Variants in DLGAP2 observed in about 807,000 individuals in gnomAD.
The protein encoded by DLGAP2 is DLG associated protein 2, also known as disks large-associated protein 2.
Under a neutral mutation model 100.3 loss-of-function variants are expected in DLGAP2, and 26 were observed. The ratio of observed to expected loss-of-function variants is 0.26; its 90% CI spans 0.19 to 0.36. The LOEUF (loss-of-function observed/expected upper bound fraction) is 0.36. DLGAP2 is among the 10% of genes least tolerant of loss of function. DLGAP2 has a pLI of 1.00. For synonymous variants in DLGAP2, 886 were observed against 630.1 expected, an observed-to-expected ratio of 1.41 and a Z score of -6.08; for missense variants, 1,858 against 1,453.2, an observed-to-expected ratio of 1.28 and a Z score of -4.53.
At chr8:1,340,513 CAAAACCA>C (rs1801394477) in intron 3 of DLGAP2, among the ~76,000 whole-genome samples, 1 of 152,210 alleles carries the variant, frequency 6.6e-6, no homozygotes, top group African/African-American at 2.4e-5. Context: ...AAATGCAAAT[CAAAACCA>C]CCATGAGATG....
chr8:1,490,349 C>A (rs552612507), intron 3 of DLGAP2, among the ~76,000 whole-genome samples: 2 of 152,218 alleles, frequency 1.3e-5, no homozygotes, highest in African/African-American at 2.4e-5. Flanking sequence ...GGAGAAGGAA[C>A]AGAAGCCAAT....
chr8:1,670,809 T>C (rs1372110278), intron 10 of DLGAP2, among the ~76,000 whole-genome samples: 2 of 152,104 alleles, frequency 1.3e-5, no homozygotes, highest in Admixed American at 1.3e-4. Context: ...GCAGCTCCAG[T>C]GTCAGGATAA....
intron 1 of DLGAP2, among the ~76,000 whole-genome samples, chr8:767,412 G>A (rs1821243723): frequency 6.9e-6 from 1 of 145,284 alleles, no homozygotes; most frequent in Non-Finnish European, 1.5e-5. Context: ...GTGCAATGGT[G>A]CCATCTTGAC....
chr8:1,592,063 C>G, intron 6 of DLGAP2, among the ~76,000 whole-genome samples: 1 of 152,164 alleles, frequency 6.6e-6, no homozygotes, highest in East Asian at 1.9e-4. Flanking sequence ...TCTCATTTAT[C>G]CCTTATCCAC....
chr8:1,140,075 G>A (rs1451312607), intron 2 of DLGAP2, among the ~76,000 whole-genome samples: 2 of 152,124 alleles, frequency 1.3e-5, no homozygotes, highest in African/African-American at 4.8e-5. Flanking sequence ...CATCATAACA[G>A]TGTGGCCATC....
At chr8:758,646 C>T (rs1388077498) in intron 1 of DLGAP2, among the ~76,000 whole-genome samples, 1 of 152,092 alleles carries the variant, frequency 6.6e-6, no homozygotes, top group Non-Finnish European at 1.5e-5. Context: ...ACTGCAGCTT[C>T]AACCACCTGG....
intron 2 of DLGAP2, among the ~76,000 whole-genome samples, chr8:1,039,192 C>CCGTGGTCAGCTCGGTGTG (rs1406359882): frequency 1.4e-5 from 1 of 70,208 alleles, no homozygotes; most frequent in Non-Finnish European, 2.9e-5. Context: ...AGCTCGGTTT[C>CCGTGGTCAGCTCGGTGTG]CGTGGTCAGC....
chr8:1,243,622 C>T (rs1275951074), intron 2 of DLGAP2, among the ~76,000 whole-genome samples: 1 of 152,156 alleles, frequency 6.6e-6, no homozygotes, highest in Admixed American at 6.5e-5. Context: ...GACCCCTCTT[C>T]TTCCCTAAAG....
intron 12 of DLGAP2, chr8:1,680,822 C>A (rs1176649090): frequency 6.6e-6 from 1 of 152,214 alleles, no homozygotes; most frequent in Non-Finnish European, 1.5e-5. Flanking sequence ...GATTTATAAT[C>A]TTTAGCACAA....
At chr8:1,310,058 CAA>C (rs3052029) in intron 3 of DLGAP2, among the ~76,000 whole-genome samples, 27,817 of 105,386 alleles carry the variant, frequency 0.26, 2,572 homozygotes, top group African/African-American at 0.32. Context: ...GTCTCCATCT[CAA>C]AAAAAAAAAA....
chr8:1,413,222 T>G (rs1364104572), intron 3 of DLGAP2, among the ~76,000 whole-genome samples: 1 of 152,208 alleles, frequency 6.6e-6, no homozygotes, highest in African/African-American at 2.4e-5. Flanking sequence ...TTCAACACCT[T>G]TATTATTAGC....
At chr8:1,130,024 C>G (rs1022577655) in intron 2 of DLGAP2, among the ~76,000 whole-genome samples, 2 of 152,126 alleles carry the variant, frequency 1.3e-5, no homozygotes, top group Admixed American at 6.5e-5. Context: ...GTGTAGCTCA[C>G]GTCGGGCACT....
chr8:929,969 A>G (rs1023605942), intron 2 of DLGAP2, among the ~76,000 whole-genome samples: 4 of 151,766 alleles, frequency 2.6e-5, no homozygotes, highest in African/African-American at 7.3e-5. Flanking sequence ...TCTTCCTGCC[A>G]TTGCAGTTCT....
intron 1 of DLGAP2, among the ~76,000 whole-genome samples, chr8:858,106 C>T (rs1454481565): frequency 1.3e-5 from 2 of 152,204 alleles, no homozygotes; most frequent in East Asian, 1.9e-4. Context: ...ATCCACCCGC[C>T]TTGGCCCTCC....
intron 3 of DLGAP2, among the ~76,000 whole-genome samples, chr8:1,422,136 C>T (rs1296717723): frequency 2.6e-5 from 4 of 152,174 alleles, no homozygotes; most frequent in Admixed American, 1.3e-4. Context: ...ACAGCTACCC[C>T]GTTTCACGGA....
intron 2 of DLGAP2, among the ~76,000 whole-genome samples, chr8:1,008,625 TG>T (rs1801188747): frequency 6.6e-6 from 1 of 152,254 alleles, no homozygotes; most frequent in African/African-American, 2.4e-5. Context: ...TGGAAGCCAA[TG>T]TCCTTTGCAT....
intron 3 of DLGAP2, among the ~76,000 whole-genome samples, chr8:1,455,646 T>A (rs960871121): frequency 6.6e-6 from 1 of 152,230 alleles, no homozygotes. Flanking sequence ...CCAGGGCCAG[T>A]CCCACTGCCA....
At chr8:972,933 G>T (rs1269750124) in intron 2 of DLGAP2, among the ~76,000 whole-genome samples, 3 of 152,168 alleles carry the variant, frequency 2.0e-5, no homozygotes, top group Non-Finnish European at 2.9e-5. Flanking sequence ...CACCGTGTTG[G>T]GGGTAAGGTC....
chr8:966,427 G>A (rs1309776317), intron 2 of DLGAP2, among the ~76,000 whole-genome samples: 1 of 152,096 alleles, frequency 6.6e-6, no homozygotes, highest in Non-Finnish European at 1.5e-5. Flanking sequence ...AACCAACTCC[G>A]CAGGAAAGTT....
Sources: allele counts gnomAD v4.1 joint callset (sites outside exome capture counted in the v4.1 genomes callset), GRCh38; gene constraint gnomAD v4.1.1; transcripts MANE v1.5; gene names NCBI Gene and HGNC (gene_info 2026-07-23, HGNC 2026-07-21).